The following CENPQ variants were observed in gnomAD, a reference collection of about 807,000 sequenced individuals.
CENPQ encodes centromere protein Q.
Under a neutral mutation model 36.6 loss-of-function variants are expected in CENPQ, and 27 were observed. The observed-to-expected ratio is 0.74, with a 90% CI of 0.54 to 1.02. The LOEUF is 1.02. Ranked by LOEUF, CENPQ falls within the 50% of genes least tolerant of loss-of-function variation. The pLI is 0.00. For synonymous variants in CENPQ, 101 were observed against 101.7 expected (o/e 0.99, Z 0.04); for missense variants, 306 against 301.8 (o/e 1.01, Z -0.10).
rs1768442563 is a variant in CENPQ, at chr6:49,481,966, C to T, written c.477+886C>T. Among the ~76,000 whole-genome samples, 4 of 152,206 alleles carry T rather than the reference C, an allele frequency of 2.6e-5. No homozygotes were observed. In the South Asian group the frequency reaches 8.3e-4, roughly 31 times the overall value. Reference sequence around the variant, plus strand: ...CGGGCTGCAGGTCCTGAGCCCTGCCCCACAGGGAGGCAGCTAAGGCCCGGC... The same window carrying T: ...CGGGCTGCAGGTCCTGAGCCCTGCCTCACAGGGAGGCAGCTAAGGCCCGGC... On this transcript the variant is annotated intron_variant, in intron 6 of 8. Coordinates refer to ENST00000335783, the MANE Select transcript of CENPQ (RefSeq NM_018132.4).
At chr6:49,473,077 G>A (rs893526188) in intron 5 of CENPQ, among the ~76,000 whole-genome samples, 5 of 151,850 alleles carry the variant, frequency 3.3e-5, no homozygotes, top group African/African-American at 4.8e-5. Flanking sequence ...TGAAAATCAC[G>A]AAATTCTGTT....
chr6:49,484,284 A>C (rs939107982), intron 6 of CENPQ, among the ~76,000 whole-genome samples: 2 of 152,208 alleles, frequency 1.3e-5, no homozygotes, highest in African/African-American at 4.8e-5. Flanking sequence ...TTTCTAACTG[A>C]ACCTTAGACA....
At chr6:49,485,528 G>A (rs1768554919) in intron 6 of CENPQ, among the ~76,000 whole-genome samples, 1 of 152,008 alleles carries the variant, frequency 6.6e-6, no homozygotes, top group Non-Finnish European at 1.5e-5. Context: ...GCCTAGAACA[G>A]ATAAACATTA....
At chr6:49,486,453 A>G (rs989797820) in intron 6 of CENPQ, among the ~76,000 whole-genome samples, 3 of 152,202 alleles carry the variant, frequency 2.0e-5, no homozygotes, top group African/African-American at 7.2e-5. Flanking sequence ...AACCAGTTAA[A>G]CTTCACCAGG....
chr6:49,475,853 A>T (rs1768274997), intron 5 of CENPQ, among the ~76,000 whole-genome samples: 1 of 151,666 alleles, frequency 6.6e-6, no homozygotes, highest in Admixed American at 6.6e-5. Context: ...AATACCTAGG[A>T]ATCCACCTTA....
chr6:49,489,779 T>C (rs1768674198), intron 8 of CENPQ, among the ~76,000 whole-genome samples: 2 of 152,232 alleles, frequency 1.3e-5, no homozygotes, highest in Non-Finnish European at 2.9e-5. Flanking sequence ...TATATCTTCA[T>C]CAGAGCTCTT....
At chr6:49,489,139 T>C (rs566290067) in intron 8 of CENPQ, among the ~76,000 whole-genome samples, 1 of 152,344 alleles carries the variant, frequency 6.6e-6, no homozygotes, top group South Asian at 2.1e-4. Context: ...TGTGATGCTG[T>C]TTCATAGCAT....
intron 2 of CENPQ, 121 bp downstream of exon 2, chr6:49,470,399 C>G (rs1205434151): frequency 8.0e-6 from 4 of 500,416 alleles, no homozygotes; most frequent in Non-Finnish European, 1.1e-5. Context: ...GTCAGGAGAT[C>G]GAAACCATCC....
chr6:49,467,762 C>T (rs1768036698), intron 1 of CENPQ, among the ~76,000 whole-genome samples: 2 of 151,978 alleles, frequency 1.3e-5, no homozygotes, highest in Admixed American at 1.3e-4. Context: ...CCAAATGAGA[C>T]AGAGCAAAAG....
At chr6:49,477,104 T>G (rs1184795398) in intron 5 of CENPQ, among the ~76,000 whole-genome samples, 1 of 152,146 alleles carries the variant, frequency 6.6e-6, no homozygotes, top group Non-Finnish European at 1.5e-5. Context: ...CATGCTACTA[T>G]AAAGACACAT....
intron 1 of CENPQ, among the ~76,000 whole-genome samples, chr6:49,467,348 T>C (rs572203655): frequency 2.0e-5 from 3 of 152,318 alleles, no homozygotes; most frequent in African/African-American, 7.2e-5. Flanking sequence ...TTGGGTAATA[T>C]GATGTGTCAA....
At chr6:49,478,822 T>A (rs1471550735) in intron 5 of CENPQ, among the ~76,000 whole-genome samples, 1 of 152,156 alleles carries the variant, frequency 6.6e-6, no homozygotes, top group East Asian at 1.9e-4. Flanking sequence ...AGGAACATAC[T>A]TCCAGAAAGT....
intron 5 of CENPQ, among the ~76,000 whole-genome samples, chr6:49,479,232 TCAAA>T (rs1768372765): frequency 6.6e-6 from 1 of 152,040 alleles, no homozygotes; most frequent in African/African-American, 2.4e-5. Flanking sequence ...AAACAATGCA[TCAAA>T]CAAAGGTCTG....
rs756835321 is a variant in CENPQ, at chr6:49,481,011, TGTATC to T, written c.409_413del (p.Val137LysfsTer13). 2 of 1,610,358 alleles carry T rather than the reference TGTATC, an allele frequency of 1.2e-6. No homozygotes were observed. Among genetic ancestry groups the T allele is most frequent in the Non-Finnish European group, 1.7e-6 (2 of 1,177,506 alleles). ...CCAAAAAGATGGAAGATTTAACTAA[TGTATC>T]AAGTCTACTGAATATGGAAAGGGCA... is the stretch of plus-strand genomic sequence containing the variant. On this transcript the variant is annotated frameshift_variant, in exon 6 of 9. Transcript: ENST00000335783. LOFTEE classifies it high-confidence loss of function.
chr6:49,470,873 A>G (rs949276890), intron 2 of CENPQ, 101 bp from the exon 3 acceptor site: 23 of 572,212 alleles, frequency 4.0e-5, no homozygotes, highest in Non-Finnish European at 4.9e-5. Context: ...TAGAAATTAT[A>G]TGAATACTCT....
chr6:49,491,383 G>T (rs1768719473), intron 8 of CENPQ, among the ~76,000 whole-genome samples: 3 of 151,850 alleles, frequency 2.0e-5, no homozygotes, highest in Admixed American at 1.3e-4. Flanking sequence ...GTAAGACTGG[G>T]TACACCCTTG....
At chr6:49,465,684 G>T (rs990374653) in intron 1 of CENPQ, among the ~76,000 whole-genome samples, 22 of 152,156 alleles carry the variant, frequency 1.4e-4, no homozygotes, top group Admixed American at 1.4e-3. Context: ...CTAGCTTCAG[G>T]CTCTTTTGCT....
rs1199081819 is a variant in CENPQ, at chr6:49,470,241, A to T, written c.65A>T (p.Lys22Ile). 1.9e-6 allele frequency: 3 copies of T among 1,609,074 alleles called. No homozygotes were observed. In the East Asian group the frequency reaches 6.7e-5, roughly 36 times the overall value. Residue 22 changes from lysine to isoleucine, a missense_variant, in exon 2 of 9, where the codon AAA (lysine) becomes ATA (isoleucine). Transcript: ENST00000335783. ...AQQLKRNPKRKKDNEEVVLSE... is the reference protein window; with the variant it reads ...AQQLKRNPKRIKDNEEVVLSE... Reference sequence around the variant, plus strand: ...CAGTTAAAAAGAAATCCAAAGAGAAAAAAGGATAATGAGGAAGTTGTGTTG... The same window carrying T: ...CAGTTAAAAAGAAATCCAAAGAGAATAAAGGATAATGAGGAAGTTGTGTTG...
chr6:49,488,494 T>C (rs373627672), intron 7 of CENPQ, 23 bp downstream of exon 7: 81 of 1,604,436 alleles, frequency 5.0e-5, no homozygotes, highest in Non-Finnish European at 5.8e-5. Flanking sequence ...AACTGTATTA[T>C]TGGAATTTGG....
Sources: gnomAD v4.1 joint callset for allele counts (sites outside exome capture counted in the v4.1 genomes callset) on GRCh38, gnomAD v4.1.1 for gene constraint, MANE v1.5 for transcripts, NCBI Gene and HGNC (gene_info 2026-07-23, HGNC 2026-07-21) for gene names.